The following TEAD4 variants were observed in gnomAD, a reference collection of about 807,000 sequenced individuals.
The protein encoded by TEAD4 is TEA domain transcription factor 4.
A neutral mutation model predicts 52.4 loss-of-function variants in TEAD4; 36 were observed. That is an observed-to-expected ratio of 0.69 (90% CI 0.53 to 0.91). TEAD4 has a LOEUF of 0.91. Among genes scored for constraint, TEAD4 ranks in the 40% least tolerant of loss-of-function variants. The probability of loss-of-function intolerance (pLI) is 0.00; values close to 1 mark genes in which losing one functional copy is unlikely to be tolerated. For missense variants in TEAD4, 508 were observed against 583.9 expected, an observed-to-expected ratio of 0.87 and a Z score of 1.34; for synonymous variants, 220 against 231.0, an observed-to-expected ratio of 0.95 and a Z score of 0.43.
chr12:3,034,910 A>G (rs2098278381), intron 10 of TEAD4, among the ~76,000 whole-genome samples: 1 of 151,608 alleles, frequency 6.6e-6, no homozygotes, highest in African/African-American at 2.4e-5. Flanking sequence ...CCTGGCCGAT[A>G]TGGTGAAACC....
intron 9 of TEAD4, 149 bp downstream of exon 9, chr12:3,020,922 T>C: frequency 1.2e-6 from 1 of 822,740 alleles, no homozygotes; most frequent in South Asian, 3.0e-5. Context: ...CCCCCACTCC[T>C]CCTTTCCTCC....
chr12:2,966,059 G>A (rs1052683444), intron 2 of TEAD4, among the ~76,000 whole-genome samples: 1 of 152,164 alleles, frequency 6.6e-6, no homozygotes, highest in African/African-American at 2.4e-5. Flanking sequence ...TATGTGGAGA[G>A]TGTGAAAATG....
chr12:2,976,166 C>T (rs985481747), intron 2 of TEAD4, among the ~76,000 whole-genome samples: 4 of 152,030 alleles, frequency 2.6e-5, no homozygotes, highest in East Asian at 3.9e-4. Flanking sequence ...CCACCATGCC[C>T]GGCTAATTTT....
chr12:3,020,773 G>A lies in TEAD4; in HGVS notation c.723G>A (p.Thr241=), dbSNP rs751835000. ...TGGAGCAGCAGCAGGACCCGGACAC[G>A]GTAGGTCCTGGCCTCTGCCTGTCCA... The change falls in exon 9 of 13, where the codon ACG becomes ACA. Residue 241 remains threonine, a splice_region_variant and synonymous_variant. Transcript: ENST00000359864. The A allele has an allele frequency of 1.3e-5, 21 of 1,601,344 alleles. No homozygotes were observed. The highest frequency in any genetic ancestry group is 5.4e-5 in the African/African-American group (4 of 74,656).
chr12:2,985,386 A>AAAAAAAC (rs375772986), intron 2 of TEAD4, among the ~76,000 whole-genome samples: 5 of 152,058 alleles, frequency 3.3e-5, no homozygotes, highest in African/African-American at 4.8e-5. Context: ...CTCTGTCTCA[A>AAAAAAAC]AAAAAACAAA....
chr12:2,994,972 C>T lies in TEAD4; in HGVS notation c.206C>T (p.Ser69Leu), dbSNP rs377141915. The change falls in exon 3 of 13, where the codon TCG becomes TTG. Residue 69 changes from serine (S) to leucine (L), a missense_variant. Coordinates refer to ENST00000359864, the MANE Select transcript of TEAD4 (RefSeq NM_003213.4). The surrounding 1 kb of genome is among the most constrained non-coding windows in gnomAD (Gnocchi z 4.7). ...TGTGGCAGGCGCAAAATCATCCTGT[C>T]GGACGAGGGCAAGATGTATGGTAAG... 34 of 1,613,870 alleles carry T rather than the reference C, an allele frequency of 2.1e-5. No homozygotes were observed. The highest frequency in any genetic ancestry group is 4.5e-5 in the East Asian group (2 of 44,864).
At chr12:2,967,389 C>A (rs546836924) in intron 2 of TEAD4, among the ~76,000 whole-genome samples, 1 of 152,164 alleles carries the variant, frequency 6.6e-6, no homozygotes, top group African/African-American at 2.4e-5. Context: ...TTTAAGGATC[C>A]AAGTAACATT....
intron 3 of TEAD4, among the ~76,000 whole-genome samples, chr12:3,003,918 C>T (rs144631353): frequency 6.6e-6 from 1 of 152,362 alleles, no homozygotes; most frequent in African/African-American, 2.4e-5. Flanking sequence ...CCTCCCACCG[C>T]CACCACCTCA....
intron 10 of TEAD4, among the ~76,000 whole-genome samples, chr12:3,034,745 C>T (rs754051758): frequency 1.3e-5 from 2 of 152,274 alleles, no homozygotes; most frequent in Non-Finnish European, 2.9e-5. Flanking sequence ...CCAGCCTGGG[C>T]AACATGGCGA....
Position 3,040,184 on chromosome 12 carries a change from C to T in TEAD4, c.1116C>T (p.Asn372=). The change falls in exon 12 of 13, where the codon AAC becomes AAT. Residue 372 remains asparagine, a synonymous_variant. Coordinates refer to ENST00000359864, the MANE Select transcript of TEAD4 (RefSeq NM_003213.4). ...CCCCGCTCTGTGAGTACATGATCAACTTCATCCACAAGCTCAAGCACCTCC... is the reference window on the plus strand; with the variant it reads ...CCCCGCTCTGTGAGTACATGATCAATTTCATCCACAAGCTCAAGCACCTCC... 1 of 1,614,242 alleles carries T rather than the reference C, an allele frequency of 6.2e-7. No individual in the cohort carries two copies.
chr12:3,022,042 T>C, intron 10 of TEAD4, 25 bp downstream of exon 10: 2 of 1,611,086 alleles, frequency 1.2e-6, no homozygotes, highest in Non-Finnish European at 1.7e-6. Flanking sequence ...ACCCCTTCTT[T>C]CCTGCCACCA....
In TEAD4 at chr12:3,011,064, A is replaced by G; in HGVS notation, c.287A>G (p.Lys96Arg). Residue 96 changes from lysine (K) to arginine (R), a missense_variant, in exon 4 of 13, where the codon AAG (lysine) becomes AGG (arginine). Coordinates refer to ENST00000359864, the MANE Select transcript of TEAD4 (RefSeq NM_003213.4). ...CGGACAGGGAAGACCCGCACCAGGA[A>G]GCAGGTGGGCCTCAAGAGACGGGTA... is the stretch of plus-strand genomic sequence containing the variant. 2 of 1,614,088 alleles carry G rather than the reference A, an allele frequency of 1.2e-6. No homozygotes were observed. Among genetic ancestry groups the G allele is most frequent in the Non-Finnish European group, 1.7e-6 (2 of 1,179,986 alleles).
intron 10 of TEAD4, among the ~76,000 whole-genome samples, chr12:3,023,661 C>T (rs1014706863): frequency 6.6e-6 from 1 of 151,368 alleles, no homozygotes; most frequent in African/African-American, 2.4e-5. Context: ...CGTGGTGGCA[C>T]ACGCCTGTAA....
chr12:2,991,108 A>G (rs1322921311), intron 2 of TEAD4, among the ~76,000 whole-genome samples: 1 of 152,204 alleles, frequency 6.6e-6, no homozygotes, highest in Non-Finnish European at 1.5e-5. Flanking sequence ...TTGAGGCAGG[A>G]GGATCTCTTG....
At chr12:3,032,922 C>T (rs565526140) in intron 10 of TEAD4, among the ~76,000 whole-genome samples, 1 of 152,336 alleles carries the variant, frequency 6.6e-6, no homozygotes, top group African/African-American at 2.4e-5. Flanking sequence ...GCCCCGGCTC[C>T]CCCCGCATCG....
chr12:2,962,941 G>A (rs1037646374), intron 2 of TEAD4, among the ~76,000 whole-genome samples: 4 of 152,136 alleles, frequency 2.6e-5, no homozygotes, highest in Non-Finnish European at 5.9e-5. Context: ...CCCCCTAGCC[G>A]CCTTCATCCA....
At chr12:2,986,366 G>A (rs1019081510) in intron 2 of TEAD4, among the ~76,000 whole-genome samples, 3 of 151,978 alleles carry the variant, frequency 2.0e-5, no homozygotes, top group East Asian at 3.9e-4. Context: ...GGCTGGGTGC[G>A]GTGGCTCACG....
intron 9 of TEAD4, among the ~76,000 whole-genome samples, chr12:3,021,182 G>A (rs2098268444): frequency 6.6e-6 from 1 of 152,150 alleles, no homozygotes; most frequent in African/African-American, 2.4e-5. Context: ...TGGGATACCA[G>A]CCTGTCCCCT....
Position 2,962,346 on chromosome 12 carries a change from A to ATATT in TEAD4, c.-30+2307_-30+2308insATTT, listed in dbSNP as rs1350931012. On this transcript the variant is annotated intron_variant, in intron 2 of 12. Coordinates refer to ENST00000359864, the MANE Select transcript of TEAD4 (RefSeq NM_003213.4). ...TATATAAATATAAATATATATATAT[A>ATATT]TTTTTTGAGATGGAGTTTCGCTCTT... is the stretch of plus-strand genomic sequence containing the variant. Among the ~76,000 whole-genome samples, 334 of 127,968 alleles carry ATATT rather than the reference A, an allele frequency of 2.6e-3. 4 individuals carry two copies. The highest frequency in any genetic ancestry group is 7.6e-3 in the African/African-American group (250 of 33,072). The allele number at this position is 127,968 out of a possible 152,430, so 84.0% of individuals were successfully genotyped here.
Sources: gnomAD v4.1 joint callset for allele counts (sites outside exome capture counted in the v4.1 genomes callset) on GRCh38, gnomAD v4.1.1 for gene constraint, Gnocchi (gnomAD v3.1) non-coding constraint, MANE v1.5 for transcripts, NCBI Gene and HGNC (gene_info 2026-07-23, HGNC 2026-07-21) for gene names.